The following FMN2 variants were observed in gnomAD, a reference collection of about 807,000 sequenced individuals.
The protein encoded by FMN2 is formin-2.
In FMN2, 51 loss-of-function variants were observed where a neutral mutation model predicts 142.3. That is an observed-to-expected ratio of 0.36 (90% CI 0.29 to 0.45). The LOEUF is 0.45. FMN2 is among the 20% of genes least tolerant of loss of function. The pLI is 1.00. For synonymous variants in FMN2, 882 were observed against 869.8 expected (o/e 1.01, Z -0.25); for missense variants, 1,936 against 2,122.8 (o/e 0.91, Z 1.73).
intron 16 of FMN2, among the ~76,000 whole-genome samples, chr1:240,445,937 T>C (rs1675794153): frequency 6.6e-6 from 1 of 152,108 alleles, no homozygotes. Flanking sequence ...TCTACATAGA[T>C]TTGCTGTTCA....
chr1:240,201,278 A>T (rs1226732595), intron 4 of FMN2, among the ~76,000 whole-genome samples: 3 of 152,138 alleles, frequency 2.0e-5, no homozygotes, highest in Non-Finnish European at 4.4e-5. Context: ...CAGTTTATCA[A>T]TGATTTTTGG....
At chr1:240,270,714 A>G (rs1668973346) in intron 7 of FMN2, among the ~76,000 whole-genome samples, 1 of 152,088 alleles carries the variant, frequency 6.6e-6, no homozygotes, top group Admixed American at 6.6e-5. Context: ...AGAAGACATT[A>G]TGTTAAGTGA....
chr1:240,121,498 C>A (rs546714137), intron 1 of FMN2, among the ~76,000 whole-genome samples: 1 of 151,414 alleles, frequency 6.6e-6, no homozygotes, highest in African/African-American at 2.4e-5. Context: ...GCCTCAGCCT[C>A]CCAAGTAGCT....
chr1:240,368,975 A>AG (rs1277324194), intron 14 of FMN2, among the ~76,000 whole-genome samples: 1 of 151,676 alleles, frequency 6.6e-6, no homozygotes, highest in African/African-American at 2.4e-5. Context: ...ATATATATAA[A>AG]CACAGAGTAA....
intron 8 of FMN2, among the ~76,000 whole-genome samples, chr1:240,305,198 T>G (rs1444458239): frequency 6.6e-6 from 1 of 152,214 alleles, no homozygotes; most frequent in Non-Finnish European, 1.5e-5. Flanking sequence ...TGAGATTTAG[T>G]CAGATTTTCC....
At chr1:240,409,966 C>A (rs960757801) in intron 15 of FMN2, among the ~76,000 whole-genome samples, 1 of 152,184 alleles carries the variant, frequency 6.6e-6, no homozygotes, top group East Asian at 1.9e-4. Flanking sequence ...TAAATAATTA[C>A]ACACTTTAGT....
At chr1:240,138,064 CAAAAAAAAA>C (rs369637580) in intron 2 of FMN2, among the ~76,000 whole-genome samples, 2 of 95,586 alleles carry the variant, frequency 2.1e-5, no homozygotes, top group Non-Finnish European at 4.4e-5. Flanking sequence ...GACTCCATCT[CAAAAAAAAA>C]AAAAAAAAAA....
chr1:240,234,645 A>AC (rs1028896009), intron 6 of FMN2, among the ~76,000 whole-genome samples: 15 of 151,910 alleles, frequency 9.9e-5, no homozygotes, highest in Non-Finnish European at 2.1e-4. Flanking sequence ...ATCACCACCA[A>AC]CCCCCCCACT....
At chr1:240,143,102 C>A in intron 2 of FMN2, 1 of 1,538,410 alleles carries the variant, frequency 6.5e-7, no homozygotes, top group South Asian at 1.1e-5. Flanking sequence ...GGCCCTGTGC[C>A]AAGTGCACCA....
intron 2 of FMN2, among the ~76,000 whole-genome samples, chr1:240,155,271 A>C (rs6663593): frequency 0.18 from 26,907 of 151,888 alleles, 2,558 homozygotes; most frequent in Middle Eastern, 0.27. Flanking sequence ...GAAAGAGACT[A>C]TAAATCTTGT....
At chr1:240,351,043 G>A (rs1356525131) in intron 13 of FMN2, among the ~76,000 whole-genome samples, 1 of 152,148 alleles carries the variant, frequency 6.6e-6, no homozygotes, top group Admixed American at 6.5e-5. Context: ...GTGAGTAAAT[G>A]GAGACTGTCT....
At chr1:240,306,138 TGG>T in intron 8 of FMN2, among the ~76,000 whole-genome samples, 1 of 151,644 alleles carries the variant, frequency 6.6e-6, no homozygotes, top group Middle Eastern at 3.4e-3. Context: ...TTAGTAGAGA[TGG>T]TGTTTCACTA....
Position 240,242,543 on chromosome 1 carries a change from C to G in FMN2, c.4066-15402C>G, listed in dbSNP as rs181679627. Among the ~76,000 whole-genome samples the G allele has an allele frequency of 8.5e-5, 13 of 152,258 alleles. No individual in the cohort carries two copies. In the East Asian group the frequency reaches 2.5e-3, roughly 30 times the overall value. ...TCAGGAGAGATTGAAACAACCTACT[C>G]AGTTGAGGAACAACATCCAGATGAT... On this transcript the variant is annotated intron_variant, in intron 6 of 17. Transcript: ENST00000319653.
chr1:240,123,760 C>A (rs988044905), intron 2 of FMN2, among the ~76,000 whole-genome samples: 1 of 152,204 alleles, frequency 6.6e-6, no homozygotes, highest in Admixed American at 6.5e-5. Flanking sequence ...CCACCACCAT[C>A]CATCTTTAGA....
intron 7 of FMN2, among the ~76,000 whole-genome samples, chr1:240,278,332 TC>T (rs1396990222): frequency 3.9e-5 from 6 of 152,184 alleles, no homozygotes; most frequent in Non-Finnish European, 8.8e-5. Context: ...ACGTGACTCT[TC>T]TAGCATCTGT....
chr1:240,123,108 G>T (rs1285402206), intron 1 of FMN2, 71 bp from the exon 2 acceptor site: 1 of 1,553,520 alleles, frequency 6.4e-7, no homozygotes, highest in Non-Finnish European at 8.8e-7. Context: ...TTACCCAGCC[G>T]CTGTCCCCTG....
At chr1:240,218,784 C>G (rs1355798189) in intron 6 of FMN2, among the ~76,000 whole-genome samples, 2 of 152,046 alleles carry the variant, frequency 1.3e-5, no homozygotes, top group Admixed American at 6.6e-5. Flanking sequence ...GCTAAAATAC[C>G]AGAAAGGGCA....
chr1:240,271,098 G>GTT lies in FMN2; in HGVS notation c.4153+13084_4153+13085dup, dbSNP rs56686860. Among the ~76,000 whole-genome samples the GTT allele has an allele frequency of 3.4e-3, 244 of 72,226 alleles. 24 individuals carry two copies. The highest frequency in any genetic ancestry group is 0.023 in the South Asian group (46 of 2,044). The allele number at this position is 72,226 out of a possible 152,430, so 47.4% of individuals were successfully genotyped here. On this transcript the variant is annotated intron_variant, in intron 7 of 17. Transcript: ENST00000319653. ...ACCCCCCTAGGAACTTTCCACGATG[G>GTT]TTTTTTTTTTTTTTTTTTTGTGACT...
chr1:240,460,985 A>G (rs1676430557), intron 16 of FMN2, among the ~76,000 whole-genome samples: 1 of 152,110 alleles, frequency 6.6e-6, no homozygotes, highest in African/African-American at 2.4e-5. Context: ...GGTGATTCCT[A>G]CACACAGTGA....
Sources: gnomAD v4.1 joint callset for allele counts (sites outside exome capture counted in the v4.1 genomes callset) on GRCh38, gnomAD v4.1.1 for gene constraint, MANE v1.5 for transcripts, NCBI Gene and HGNC (gene_info 2026-07-23, HGNC 2026-07-21) for gene names.